TNS3: variants seen among roughly 807,000 people sequenced by gnomAD.
TNS3 encodes the protein tensin-3.
In TNS3, 45 loss-of-function variants were observed where a neutral mutation model predicts 140.9. That is an observed-to-expected ratio of 0.32 (90% CI 0.25 to 0.41). TNS3 has a LOEUF of 0.41. Ranked by LOEUF, TNS3 falls within the 10% of genes least tolerant of loss-of-function variation. The pLI is 1.00. For synonymous variants in TNS3, 815 were observed against 788.4 expected, an observed-to-expected ratio of 1.03 and a Z score of -0.56; for missense variants, 1,716 against 1,906.7, an observed-to-expected ratio of 0.90 and a Z score of 1.86.
At position 47,451,389 on chromosome 7, in the gene TNS3, G is replaced by C. The variant is rs191487925; in HGVS notation, c.-75-9334C>G. On this transcript the variant is annotated intron_variant, in intron 4 of 30. Coordinates refer to ENST00000311160, the MANE Select transcript of TNS3 (RefSeq NM_022748.12). ...GAGGCCAGGAGTTCGAGACCAACCTGGCCAACATGGCGAAATCCTGTCTCT... is the reference window on the plus strand; with the variant it reads ...GAGGCCAGGAGTTCGAGACCAACCTCGCCAACATGGCGAAATCCTGTCTCT... Among the ~76,000 whole-genome samples, 8 of 152,282 alleles carry C rather than the reference G, an allele frequency of 5.3e-5. No individual in the cohort carries two copies. The East Asian group carries it at 1.5e-3, about 30-fold the overall frequency.
At position 47,344,738 on chromosome 7, in the gene TNS3, G is replaced by A. The variant is rs756703134; in HGVS notation, c.2650+17C>T. Reference sequence around the variant, plus strand: ...CCTGAGTGCCGCGCGCCTGTGACCCGCGGGTAGATTTCTTACCACGTCCTC... The same window carrying A: ...CCTGAGTGCCGCGCGCCTGTGACCCACGGGTAGATTTCTTACCACGTCCTC... On this transcript the variant is annotated intron_variant, in intron 20 of 30. Transcript: ENST00000311160. The A allele has an allele frequency of 1.1e-5, 18 of 1,607,982 alleles. No individual in the cohort carries two copies. The Admixed American group carries it at 2.7e-4, about 24-fold the overall frequency.
At chr7:47,291,529 T>C (rs1358930538) in intron 27 of TNS3, among the ~76,000 whole-genome samples, 1 of 152,134 alleles carries the variant, frequency 6.6e-6, no homozygotes, top group East Asian at 1.9e-4. Flanking sequence ...TGACCTGCTC[T>C]GTCTGGCGAG....
intron 21 of TNS3, among the ~76,000 whole-genome samples, chr7:47,304,371 A>G (rs1786616580): frequency 6.6e-6 from 1 of 152,240 alleles, no homozygotes; most frequent in Non-Finnish European, 1.5e-5. Flanking sequence ...TTTAAGGAGA[A>G]CAGAGGTAGA....
chr7:47,444,426 A>G (rs1325215047), intron 4 of TNS3, among the ~76,000 whole-genome samples: 1 of 152,264 alleles, frequency 6.6e-6, no homozygotes, highest in Non-Finnish European at 1.5e-5. Context: ...ACAGCATTAT[A>G]TAACTCATGG....
chr7:47,439,371 G>A (rs1339100906), intron 6 of TNS3, 116 bp downstream of exon 6: 3 of 1,185,108 alleles, frequency 2.5e-6, no homozygotes, highest in South Asian at 1.5e-5. Flanking sequence ...AGCTGTGTGA[G>A]CCCAGGCCCT....
intron 15 of TNS3, among the ~76,000 whole-genome samples, chr7:47,400,015 T>C (rs1318455278): frequency 6.8e-6 from 1 of 146,758 alleles, no homozygotes; most frequent in East Asian, 2.0e-4. Context: ...AGTGGGCAAA[T>C]GATATGAACA....
chr7:47,560,974 C>A (rs895780169), intron 1 of TNS3, among the ~76,000 whole-genome samples: 1 of 152,236 alleles, frequency 6.6e-6, no homozygotes, highest in African/African-American at 2.4e-5. Flanking sequence ...TGACTGCTCA[C>A]CCCAGGGATT....
At chr7:47,459,603 C>T (rs982395951) in intron 4 of TNS3, among the ~76,000 whole-genome samples, 14 of 152,094 alleles carry the variant, frequency 9.2e-5, no homozygotes, top group African/African-American at 2.7e-4. Flanking sequence ...AAGAGAACCA[C>T]GGCAGGCCTC....
At chr7:47,433,206 C>A (rs982782531) in intron 8 of TNS3, among the ~76,000 whole-genome samples, 24 of 152,256 alleles carry the variant, frequency 1.6e-4, no homozygotes, top group African/African-American at 5.5e-4. Flanking sequence ...TGGAAGGAAA[C>A]GCGCATTCTG....
At chr7:47,354,436 G>A (rs1385929669) in intron 17 of TNS3, among the ~76,000 whole-genome samples, 3 of 151,346 alleles carry the variant, frequency 2.0e-5, no homozygotes, top group East Asian at 3.9e-4. Context: ...GGATGTTCAC[G>A]GGCAAAGGGC....
intron 1 of TNS3, among the ~76,000 whole-genome samples, chr7:47,531,414 AT>A (rs1378520687): frequency 6.6e-6 from 1 of 152,236 alleles, no homozygotes; most frequent in East Asian, 1.9e-4. Flanking sequence ...CCCAAAAAAA[AT>A]CATCACCAGC....
At chr7:47,491,812 G>T in intron 3 of TNS3, among the ~76,000 whole-genome samples, 1 of 152,244 alleles carries the variant, frequency 6.6e-6, no homozygotes, top group Admixed American at 6.5e-5. Context: ...TGAGTGGGAC[G>T]GTGAAACCCG....
intron 1 of TNS3, chr7:47,556,992 G>C: frequency 4.4e-6 from 2 of 455,758 alleles, no homozygotes; most frequent in Non-Finnish European, 8.8e-6. Flanking sequence ...GCCCCCCACA[G>C]ACGATAACCA....
At chr7:47,297,794 T>G (rs1048888594) in intron 23 of TNS3, among the ~76,000 whole-genome samples, 4 of 151,064 alleles carry the variant, frequency 2.6e-5, no homozygotes, top group Non-Finnish European at 4.4e-5. Flanking sequence ...AGTTTTTTTT[T>G]TTTTTTTTTT....
chr7:47,334,743 GA>G (rs1402125455), intron 20 of TNS3, among the ~76,000 whole-genome samples: 1 of 151,614 alleles, frequency 6.6e-6, no homozygotes, highest in South Asian at 2.1e-4. Flanking sequence ...CGAGTAGCTG[GA>G]ACTACAGGCA....
At chr7:47,346,031 G>A (rs747100719) in intron 18 of TNS3, among the ~76,000 whole-genome samples, 156 bp downstream of exon 18, 8 of 152,280 alleles carry the variant, frequency 5.3e-5, no homozygotes, top group East Asian at 1.9e-4. Context: ...GAGGAGCCAC[G>A]ACCATATTTG....
chr7:47,560,337 G>C (rs1468285816), intron 1 of TNS3, among the ~76,000 whole-genome samples: 1 of 151,972 alleles, frequency 6.6e-6, no homozygotes, highest in Non-Finnish European at 1.5e-5. Context: ...AGACACCGAG[G>C]GCCTTGATCT....
chr7:47,491,206 C>T (rs1332123403), intron 3 of TNS3, among the ~76,000 whole-genome samples: 3 of 152,184 alleles, frequency 2.0e-5, no homozygotes, highest in African/African-American at 7.2e-5. Flanking sequence ...TGAACATGCA[C>T]GGTATGTGGT....
intron 10 of TNS3, among the ~76,000 whole-genome samples, chr7:47,421,757 G>A (rs561754948): frequency 2.7e-4 from 41 of 152,222 alleles, no homozygotes; most frequent in African/African-American, 9.9e-4. Flanking sequence ...AAACTTACAT[G>A]GGCACATGTG....
Sources: gnomAD v4.1 joint callset for allele counts (sites outside exome capture counted in the v4.1 genomes callset) on GRCh38, gnomAD v4.1.1 for gene constraint, MANE v1.5 for transcripts, NCBI Gene and HGNC (gene_info 2026-07-23, HGNC 2026-07-21) for gene names.